The following FARS2 variants were observed in gnomAD, a reference collection of about 807,000 sequenced individuals.
The protein encoded by FARS2 is phenylalanyl-tRNA synthetase 2, mitochondrial.
Under a neutral mutation model 46.4 loss-of-function variants are expected in FARS2, and 40 were observed. The observed-to-expected ratio is 0.86, with a 90% CI of 0.67 to 1.12. The LOEUF (loss-of-function observed/expected upper bound fraction) is 1.12, where lower values mean the gene tolerates loss of function less well. Ranked by LOEUF, FARS2 falls within the 50% of genes most tolerant of loss-of-function variation. The pLI, the probability that FARS2 is intolerant of heterozygous loss-of-function variation, is 0.00. For missense variants in FARS2, 513 were observed against 567.9 expected (o/e 0.90, Z 0.98); for synonymous variants, 234 against 214.9 (o/e 1.09, Z -0.78).
chr6:5,267,279 A>G lies in FARS2; in HGVS notation c.-22+5619A>G, dbSNP rs183405354. Among the ~76,000 whole-genome samples the G allele has an allele frequency of 1.8e-3, 274 of 152,004 alleles. 2 individuals carry two copies. Among genetic ancestry groups the G allele is most frequent in the African/African-American group, 6.4e-3 (267 of 41,472 alleles). On this transcript the variant is annotated intron_variant, in intron 1 of 6. Coordinates refer to ENST00000274680, the MANE Select transcript of FARS2 (RefSeq NM_006567.5). ...TGTGATTTGTTGTAATCTGTTATAG[A>G]TCACTTTCATTCTTTCTTTCTTGCT...
intron 3 of FARS2, among the ~76,000 whole-genome samples, chr6:5,422,569 C>G (rs1762612989): frequency 6.6e-6 from 1 of 152,150 alleles, no homozygotes; most frequent in Non-Finnish European, 1.5e-5. Flanking sequence ...GGCATTTACT[C>G]TCTACTGTAA....
intron 1 of FARS2, among the ~76,000 whole-genome samples, chr6:5,296,041 C>G (rs1234558784): frequency 6.7e-6 from 1 of 149,474 alleles, no homozygotes; most frequent in Non-Finnish European, 1.5e-5. Context: ...CACTGCAACT[C>G]TAGGAGGTAG....
At chr6:5,698,470 T>C (rs1758233499) in intron 6 of FARS2, among the ~76,000 whole-genome samples, 1 of 152,166 alleles carries the variant, frequency 6.6e-6, no homozygotes, top group African/African-American at 2.4e-5. Context: ...TAACTCAGCA[T>C]GAGATTTGGG....
chr6:5,260,626 CCCCCGGT>C (rs1258823574), upstream of FARS2: 3 of 1,518,844 alleles, frequency 2.0e-6, no homozygotes, highest in Non-Finnish European at 2.6e-6. Context: ...CCGCCCCCGG[CCCCCGGT>C]GCCCGCTGGG....
intron 4 of FARS2, among the ~76,000 whole-genome samples, chr6:5,520,497 A>G (rs995592804): frequency 1.3e-5 from 2 of 152,236 alleles, no homozygotes; most frequent in African/African-American, 4.8e-5. Flanking sequence ...AACTTCAAAC[A>G]TTGCACAAAA....
chr6:5,557,755 C>T (rs540737944), intron 5 of FARS2, among the ~76,000 whole-genome samples: 3 of 152,194 alleles, frequency 2.0e-5, no homozygotes, highest in South Asian at 2.1e-4. Context: ...CCTTAGAGCT[C>T]GCCTCCTTTA....
intron 4 of FARS2, among the ~76,000 whole-genome samples, chr6:5,453,637 A>G (rs1024512263): frequency 6.6e-5 from 10 of 152,228 alleles, no homozygotes; most frequent in African/African-American, 1.9e-4. Context: ...CTAGAATCCA[A>G]ATCTGCAAAT....
At chr6:5,670,504 G>C (rs1347068455) in intron 6 of FARS2, among the ~76,000 whole-genome samples, 1 of 152,164 alleles carries the variant, frequency 6.6e-6, no homozygotes, top group Non-Finnish European at 1.5e-5. Flanking sequence ...TGGATCACGA[G>C]GGGTGACTAG....
chr6:5,453,859 G>T (rs983060340), intron 4 of FARS2, among the ~76,000 whole-genome samples: 41 of 152,224 alleles, frequency 2.7e-4, no homozygotes, highest in African/African-American at 9.2e-4. Flanking sequence ...ATGAGGAACC[G>T]TACGGGAGAG....
At chr6:5,300,850 T>A (rs565848321) in intron 1 of FARS2, among the ~76,000 whole-genome samples, 32 of 151,978 alleles carry the variant, frequency 2.1e-4, no homozygotes, top group Admixed American at 1.4e-3. Flanking sequence ...TTTTTTTATT[T>A]AAAAAATTTT....
intron 5 of FARS2, among the ~76,000 whole-genome samples, chr6:5,608,533 C>A (rs7738833): frequency 0.21 from 31,730 of 151,946 alleles, 3,427 homozygotes; most frequent in Non-Finnish European, 0.22. Context: ...AGTATTAAAT[C>A]GTTTATTGAT....
intron 6 of FARS2, among the ~76,000 whole-genome samples, chr6:5,633,597 C>T (rs1002384956): frequency 9.2e-5 from 14 of 152,170 alleles, no homozygotes; most frequent in African/African-American, 3.4e-4. Context: ...GTTTTATATC[C>T]TTTTTCTAGT....
Position 5,727,512 on chromosome 6 carries a change from C to T in FARS2, c.1218-43779C>T, listed in dbSNP as rs1206264890. ...GGGTTTCGGGTAACTGAAGAAAGTG[C>T]ATTCCGCGGTCTCCATGTGGTCAGG... On this transcript the variant is annotated intron_variant, in intron 6 of 6. Transcript: ENST00000274680. This position sits in a 1 kb window ranked among gnomAD's most constrained non-coding sequence, Gnocchi z 4.1. 6.6e-6 allele frequency among the ~76,000 whole-genome samples: 1 copy of T among 152,176 alleles called. No individual in the cohort carries two copies. Among genetic ancestry groups the T allele is most frequent in the Non-Finnish European group, 1.5e-5 (1 of 68,032 alleles).
At chr6:5,524,935 A>T (rs1769367449) in intron 4 of FARS2, among the ~76,000 whole-genome samples, 1 of 152,126 alleles carries the variant, frequency 6.6e-6, no homozygotes, top group Non-Finnish European at 1.5e-5. Context: ...AACCCTGGTG[A>T]CTCTACAGTA....
chr6:5,361,499 A>G (rs1025805793), intron 1 of FARS2, among the ~76,000 whole-genome samples: 7 of 152,232 alleles, frequency 4.6e-5, no homozygotes, highest in Non-Finnish European at 8.8e-5. Context: ...CTTTCTAGAA[A>G]GGTTGCGCCA....
intron 6 of FARS2, among the ~76,000 whole-genome samples, chr6:5,722,632 G>A (rs1024158294): frequency 4.6e-5 from 7 of 152,304 alleles, no homozygotes; most frequent in African/African-American, 4.8e-5. Context: ...AGGGGGAAGC[G>A]CAGGGAGAGA....
At chr6:5,669,162 A>G (rs934667189) in intron 6 of FARS2, among the ~76,000 whole-genome samples, 1 of 152,214 alleles carries the variant, frequency 6.6e-6, no homozygotes, top group African/African-American at 2.4e-5. Context: ...TCTCCTAAGA[A>G]AGTAGTCCTG....
chr6:5,539,243 G>T (rs1295708050), intron 4 of FARS2, among the ~76,000 whole-genome samples: 1 of 149,996 alleles, frequency 6.7e-6, no homozygotes, highest in Non-Finnish European at 1.5e-5. Flanking sequence ...GTCTCGCTCT[G>T]TGGCCCAGAC....
intron 6 of FARS2, among the ~76,000 whole-genome samples, chr6:5,685,994 T>A (rs146845000): frequency 1.3e-5 from 2 of 152,282 alleles, no homozygotes; most frequent in East Asian, 3.9e-4. Flanking sequence ...GCCTCAGGAT[T>A]CCCACGTGAA....
Sources: gnomAD v4.1 joint callset for allele counts (sites outside exome capture counted in the v4.1 genomes callset) on GRCh38, gnomAD v4.1.1 for gene constraint, Gnocchi (gnomAD v3.1) non-coding constraint, MANE v1.5 for transcripts, NCBI Gene and HGNC (gene_info 2026-07-23, HGNC 2026-07-21) for gene names.